Variants in OPCML observed in about 807,000 individuals in gnomAD.
The protein encoded by OPCML is opioid-binding protein/cell adhesion molecule.
Under a neutral mutation model 37.8 loss-of-function variants are expected in OPCML, and 13 were observed. That is an observed-to-expected ratio of 0.34 (90% CI 0.22 to 0.55). OPCML has a LOEUF of 0.55. Ranked by LOEUF, OPCML falls within the 20% of genes least tolerant of loss-of-function variation. The pLI, the probability that OPCML is intolerant of heterozygous loss-of-function variation, is 0.91. For missense variants in OPCML, 341 were observed against 435.6 expected, an observed-to-expected ratio of 0.78 and a Z score of 1.93; for synonymous variants, 176 against 168.8, an observed-to-expected ratio of 1.04 and a Z score of -0.33.
intron 2 of OPCML, among the ~76,000 whole-genome samples, chr11:132,666,297 A>T (rs985842397): frequency 6.6e-6 from 1 of 152,174 alleles, no homozygotes; most frequent in Non-Finnish European, 1.5e-5. Context: ...TTGGTATCAC[A>T]TGGCAAGAGA....
intron 3 of OPCML, among the ~76,000 whole-genome samples, chr11:132,554,770 T>C (rs902709990): frequency 2.6e-5 from 4 of 152,050 alleles, no homozygotes; most frequent in Non-Finnish European, 5.9e-5. Flanking sequence ...TCTTTCCATG[T>C]GTTTATGTTA....
chr11:132,830,428 A>C (rs538622888), intron 2 of OPCML, among the ~76,000 whole-genome samples: 3 of 152,294 alleles, frequency 2.0e-5, no homozygotes, highest in African/African-American at 7.2e-5. Context: ...GTGAAATACC[A>C]AACAGTGGCC....
intron 1 of OPCML, among the ~76,000 whole-genome samples, chr11:133,035,520 G>A (rs1351498225): frequency 6.6e-6 from 1 of 152,160 alleles, no homozygotes; most frequent in Non-Finnish European, 1.5e-5. Flanking sequence ...TAAAGTATTT[G>A]GCTATTCTCA....
At chr11:133,454,812 T>C (rs1946644331) in intron 1 of OPCML, among the ~76,000 whole-genome samples, 2 of 152,184 alleles carry the variant, frequency 1.3e-5, no homozygotes, top group Non-Finnish European at 2.9e-5. Flanking sequence ...AAATGCATCA[T>C]GATGGAAAGG....
chr11:133,489,852 ATT>A (rs10562716), intron 1 of OPCML, among the ~76,000 whole-genome samples: 29,424 of 141,960 alleles, frequency 0.21, 3,732 homozygotes, highest in African/African-American at 0.35. Context: ...ATATATATAT[ATT>A]TTTTTATACA....
At chr11:133,185,300 C>T (rs963043957) in intron 1 of OPCML, among the ~76,000 whole-genome samples, 1 of 152,176 alleles carries the variant, frequency 6.6e-6, no homozygotes, top group South Asian at 2.1e-4. Context: ...TTTGATTTCC[C>T]ACACTAAAAG....
chr11:133,116,748 A>G (rs1229903221), intron 1 of OPCML, among the ~76,000 whole-genome samples: 1 of 150,982 alleles, frequency 6.6e-6, no homozygotes, highest in Non-Finnish European at 1.5e-5. Flanking sequence ...CCAAGTTACT[A>G]TTCATTTTTT....
chr11:133,434,103 CA>C (rs1007286151), intron 1 of OPCML, among the ~76,000 whole-genome samples: 1 of 151,854 alleles, frequency 6.6e-6, no homozygotes, highest in Non-Finnish European at 1.5e-5. Flanking sequence ...ACCATATTTC[CA>C]AAAAAAGGAA....
chr11:132,851,009 T>C (rs1419396545), intron 2 of OPCML, among the ~76,000 whole-genome samples: 2 of 152,190 alleles, frequency 1.3e-5, no homozygotes, highest in Non-Finnish European at 2.9e-5. Flanking sequence ...GAGAGGTCTA[T>C]CAACTTCAAT....
rs180777291 is a variant in OPCML at position 132,757,586 on chromosome 11, G to A, written c.147-100267C>T. On this transcript the variant is annotated intron_variant, in intron 2 of 7. Transcript: ENST00000524381. ...GCTTTTTTTCATATGTTTTTTAGCC[G>A]CATAAATGTCTTCTTTTGAGAAGTG... Among the ~76,000 whole-genome samples the A allele has an allele frequency of 2.6e-3, 395 of 152,200 alleles. 1 individual carries two copies. The highest frequency in any genetic ancestry group is 3.9e-3 in the Non-Finnish European group (268 of 68,002).
At chr11:133,400,819 G>A (rs1479261157) in intron 1 of OPCML, among the ~76,000 whole-genome samples, 1 of 152,104 alleles carries the variant, frequency 6.6e-6, no homozygotes, top group Non-Finnish European at 1.5e-5. Flanking sequence ...CATGACTCAA[G>A]TTGGGATCCT....
intron 1 of OPCML, among the ~76,000 whole-genome samples, chr11:133,147,315 A>T (rs372854619): frequency 1.2e-4 from 18 of 152,260 alleles, no homozygotes; most frequent in African/African-American, 4.3e-4. Flanking sequence ...GCAGTAGGTC[A>T]TGGGAGATTT....
intron 7 of OPCML, among the ~76,000 whole-genome samples, chr11:132,433,272 C>T (rs1592165872): frequency 1.3e-5 from 2 of 152,266 alleles, no homozygotes; most frequent in East Asian, 1.9e-4. Context: ...TGAGTCATGC[C>T]GCTTTGATGA....
intron 2 of OPCML, among the ~76,000 whole-genome samples, chr11:132,870,527 T>C (rs1393338504): frequency 6.6e-6 from 1 of 152,120 alleles, no homozygotes; most frequent in African/African-American, 2.4e-5. Flanking sequence ...CGCCACCCTA[T>C]GATCCAGCAA....
chr11:132,447,530 G>A (rs770296660), intron 4 of OPCML, among the ~76,000 whole-genome samples: 71 of 150,570 alleles, frequency 4.7e-4, no homozygotes, highest in Admixed American at 5.3e-4. Context: ...GGCTGGTCTC[G>A]AACTCCTGAG....
At chr11:133,204,283 A>G (rs1938938631) in intron 1 of OPCML, among the ~76,000 whole-genome samples, 1 of 152,222 alleles carries the variant, frequency 6.6e-6, no homozygotes, top group South Asian at 2.1e-4. Context: ...AATCGTTTGT[A>G]AGCCCACATT....
chr11:132,925,778 A>G (rs1008468282), intron 2 of OPCML, among the ~76,000 whole-genome samples: 1 of 152,096 alleles, frequency 6.6e-6, no homozygotes, highest in Non-Finnish European at 1.5e-5. Context: ...ATCTGAGAAG[A>G]ATTGTTGATT....
At position 133,212,021 on chromosome 11, in the gene OPCML, G is replaced by A. The variant is rs150724412; in HGVS notation, c.62-269011C>T. The stretch of plus-strand genomic sequence containing the variant: ...CATACAGCCTGATAGCAGATTGACC[G>A]TGCCAGCTGTCACTTTTACAATCTC... On this transcript the variant is annotated intron_variant, in intron 1 of 7. Coordinates refer to ENST00000524381, the MANE Select transcript of OPCML (RefSeq NM_001012393.5). The surrounding 1 kb of genome is among the most constrained non-coding windows in gnomAD (Gnocchi z 4.9). 9.2e-4 allele frequency among the ~76,000 whole-genome samples: 140 copies of A among 152,192 alleles called. No homozygotes were observed. The highest frequency in any genetic ancestry group is 2.7e-3 in the African/African-American group (112 of 41,506).
intron 2 of OPCML, among the ~76,000 whole-genome samples, chr11:132,889,913 C>T (rs1943578031): frequency 1.3e-5 from 2 of 152,196 alleles, no homozygotes; most frequent in African/African-American, 2.4e-5. Context: ...GTGTGTAACA[C>T]AAGCATAGAC....
Sources: gnomAD v4.1 joint callset for allele counts (sites outside exome capture counted in the v4.1 genomes callset) on GRCh38, gnomAD v4.1.1 for gene constraint, Gnocchi (gnomAD v3.1) non-coding constraint, MANE v1.5 for transcripts, NCBI Gene and HGNC (gene_info 2026-07-23, HGNC 2026-07-21) for gene names.